Variants in NECTIN3 observed in about 807,000 individuals in gnomAD.
NECTIN3 encodes the protein nectin cell adhesion molecule 3.
Under a neutral mutation model 49.4 loss-of-function variants are expected in NECTIN3, and 8 were observed. The observed-to-expected ratio is 0.16, with a 90% CI of 0.10 to 0.29. The LOEUF (loss-of-function observed/expected upper bound fraction) is 0.29. Ranked by LOEUF, NECTIN3 falls within the 10% of genes least tolerant of loss-of-function variation. The pLI is 1.00. For missense variants in NECTIN3, 581 were observed against 654.6 expected (o/e 0.89, Z 1.23); for synonymous variants, 277 against 241.1 (o/e 1.15, Z -1.38).
intron 1 of NECTIN3, among the ~76,000 whole-genome samples, chr3:111,091,778 T>TTG (rs1304688635): frequency 1.3e-5 from 2 of 152,214 alleles, no homozygotes; most frequent in African/African-American, 4.8e-5. Flanking sequence ...ATATAGGTTT[T>TTG]TGTGTGGACA....
intron 1 of NECTIN3, chr3:111,072,471 CG>C: frequency 6.5e-7 from 1 of 1,535,808 alleles, no homozygotes; most frequent in Non-Finnish European, 8.7e-7. Flanking sequence ...GGGTTTGCTC[CG>C]GGGACCGTTA....
At chr3:111,173,536 G>A (rs1015623952) in intron 7 of NECTIN3, among the ~76,000 whole-genome samples, 2 of 152,142 alleles carry the variant, frequency 1.3e-5, no homozygotes, top group African/African-American at 4.8e-5. Context: ...GTCCTCTCTT[G>A]AAGAACAATC....
At chr3:111,162,755 C>G (rs1289903918) in intron 7 of NECTIN3, among the ~76,000 whole-genome samples, 2 of 152,170 alleles carry the variant, frequency 1.3e-5, no homozygotes, top group African/African-American at 4.8e-5. Context: ...TTTTCCTGAT[C>G]TTCCTTTAAG....
At chr3:111,105,212 G>A (rs1335525815) in intron 1 of NECTIN3, among the ~76,000 whole-genome samples, 1 of 149,694 alleles carries the variant, frequency 6.7e-6, no homozygotes, top group East Asian at 2.0e-4. Context: ...GCACGATCTT[G>A]GCTCATTGCA....
At chr3:111,131,832 A>G (rs1420551806) in intron 5 of NECTIN3, among the ~76,000 whole-genome samples, 2 of 151,902 alleles carry the variant, frequency 1.3e-5, no homozygotes, top group African/African-American at 4.8e-5. Context: ...ATAAAGAACC[A>G]TGAAAAACTT....
chr3:111,166,403 C>T (rs908484961), intron 7 of NECTIN3, among the ~76,000 whole-genome samples: 1 of 152,178 alleles, frequency 6.6e-6, no homozygotes, highest in African/African-American at 2.4e-5. Flanking sequence ...TGACATGATA[C>T]ACAACCGAAG....
At position 111,134,042 on chromosome 3, in the gene NECTIN3, A is replaced by T. The variant is rs2034489826; in HGVS notation, c.1477A>T (p.Thr493Ser). The T allele has an allele frequency of 1.9e-6, 3 of 1,613,034 alleles. No homozygotes were observed. Among genetic ancestry groups the T allele is most frequent in the Admixed American group, 1.7e-5 (1 of 59,838 alleles). ...RKDYLEEPEK[T>S]QWNNVENLNR... is the part of the protein sequence containing the mutation. ...AGACTATTTAGAAGAGCCTGAAAAAACTCAGTGGAACAATGTAGAAAATCT... is the reference window on the plus strand; with the variant it reads ...AGACTATTTAGAAGAGCCTGAAAAATCTCAGTGGAACAATGTAGAAAATCT... The change falls in exon 6 of 6, where the codon ACT becomes TCT. Residue 493 changes from threonine (T) to serine (S), a missense_variant. Around this residue, in one of 3 missense-constraint regions of NECTIN3, gnomAD observed 238 missense variants for 244.9 expected, o/e 0.97. Coordinates refer to ENST00000485303, the MANE Select transcript of NECTIN3 (RefSeq NM_015480.3).
At chr3:111,133,125 C>A (rs535193541) in intron 5 of NECTIN3, among the ~76,000 whole-genome samples, 1 of 151,744 alleles carries the variant, frequency 6.6e-6, no homozygotes, top group East Asian at 1.9e-4. Context: ...TTTAAAGATA[C>A]GCTCAGCTCT....
At chr3:111,098,996 T>C (rs1322675323) in intron 1 of NECTIN3, among the ~76,000 whole-genome samples, 1 of 152,114 alleles carries the variant, frequency 6.6e-6, no homozygotes, top group Non-Finnish European at 1.5e-5. Context: ...TTATCTCCTG[T>C]CATTTTGTTA....
At position 111,095,564 on chromosome 3, in the gene NECTIN3, C is replaced by CT. The variant is rs2032535575; in HGVS notation, c.161-16460dup. Among the ~76,000 whole-genome samples the CT allele has an allele frequency of 2.0e-5, 3 of 152,274 alleles. No individual in the cohort carries two copies. In the South Asian group the frequency reaches 6.2e-4, roughly 32 times the overall value. ...CTCCTTCCTGTTCCCCTGCCCCTTA[C>CT]TTTTTTCAACAGCTTTACATATTAA... On this transcript the variant is annotated intron_variant, in intron 1 of 5. Transcript: ENST00000485303.
At chr3:111,185,948 C>G (rs1270189086) in intron 7 of NECTIN3, among the ~76,000 whole-genome samples, 1 of 152,118 alleles carries the variant, frequency 6.6e-6, no homozygotes, top group East Asian at 1.9e-4. Context: ...AGTTTCTTGA[C>G]AGGCATAGGA....
chr3:111,130,630 A>C (rs2034352997), intron 5 of NECTIN3, among the ~76,000 whole-genome samples: 1 of 152,168 alleles, frequency 6.6e-6, no homozygotes, highest in African/African-American at 2.4e-5. Flanking sequence ...TTCTGCTCAG[A>C]ACAGAATAAG....
At chr3:111,072,416 G>T in intron 1 of NECTIN3, 2 of 1,525,274 alleles carry the variant, frequency 1.3e-6, no homozygotes, top group Non-Finnish European at 1.8e-6. Context: ...GGGTCGCCGT[G>T]CGGATGGCCG....
intron 2 of NECTIN3, among the ~76,000 whole-genome samples, chr3:111,115,922 AAT>A (rs533134228): frequency 7.4e-4 from 73 of 98,884 alleles, no homozygotes; most frequent in African/African-American, 1.8e-3. Context: ...CTGCTAGTTA[AAT>A]GGGCACATCT....
At chr3:111,074,050 G>A (rs1437821113) in intron 1 of NECTIN3, among the ~76,000 whole-genome samples, 2 of 151,872 alleles carry the variant, frequency 1.3e-5, no homozygotes, top group Non-Finnish European at 2.9e-5. Context: ...TGTTGTAGAG[G>A]TAGACACTGG....
In NECTIN3 at chr3:111,122,104, A is replaced by C; in HGVS notation, c.800-17A>C. 6.8e-7 allele frequency: 1 copy of C among 1,469,696 alleles called. No homozygotes were observed. The allele number at this position is 1,469,696 out of a possible 1,614,324, so 91.0% of individuals were successfully genotyped here. On this transcript the variant is annotated splice_polypyrimidine_tract_variant and intron_variant, in intron 3 of 5. Transcript: ENST00000485303. ...TTAACAAAAGGTAATCTGTCCTGTCATGCATTTATTTTATAGATGCTCCTG... is the reference window on the plus strand; with the variant it reads ...TTAACAAAAGGTAATCTGTCCTGTCCTGCATTTATTTTATAGATGCTCCTG...
chr3:111,180,793 T>G (rs2035612219), intron 7 of NECTIN3, among the ~76,000 whole-genome samples: 6 of 152,214 alleles, frequency 3.9e-5, no homozygotes, highest in Admixed American at 3.9e-4. Context: ...AGGGACAGTC[T>G]GTTGTAAAGT....
rs1433094533 is a variant in NECTIN3, at chr3:111,184,678, TG to T, written c.1222-7672del. ...ATATACTTATTTTTTCCCACTTTTTTGTTCTATCATGGTCAGTACATTTTAA... is the reference window on the plus strand; with the variant it reads ...ATATACTTATTTTTTCCCACTTTTTTTTCTATCATGGTCAGTACATTTTAA... On this transcript the variant is annotated intron_variant, in intron 7 of 8. Transcript: ENST00000493615. 1.0e-4 allele frequency among the ~76,000 whole-genome samples: 16 copies of T among 152,390 alleles called. No individual in the cohort carries two copies. The South Asian group carries it at 3.1e-3, about 30-fold the overall frequency.
chr3:111,147,312 A>G, intron 6 of NECTIN3: 2 of 995,906 alleles, frequency 2.0e-6, no homozygotes, highest in South Asian at 1.6e-5. Flanking sequence ...TGAGGAAAAT[A>G]TTCTCAAAAC....
Sources: allele counts gnomAD v4.1 joint callset (sites outside exome capture counted in the v4.1 genomes callset), GRCh38; gene constraint gnomAD v4.1.1; regional missense constraint gnomAD v4.1.1; transcripts MANE v1.5; gene names NCBI Gene and HGNC (gene_info 2026-07-23, HGNC 2026-07-21).